Variants in GRID1 observed in about 807,000 individuals in gnomAD.
The protein encoded by GRID1 is glutamate ionotropic receptor delta type subunit 1.
Under a neutral mutation model 98.0 loss-of-function variants are expected in GRID1, and 28 were observed. The observed-to-expected ratio is 0.29, with a 90% CI of 0.21 to 0.39. The LOEUF is 0.39. Ranked by LOEUF, GRID1 falls within the 10% of genes least tolerant of loss-of-function variation. GRID1 has a pLI of 1.00. For missense variants in GRID1, 1,111 were observed against 1,340.5 expected (o/e 0.83, Z 2.67); for synonymous variants, 553 against 538.5 (o/e 1.03, Z -0.37).
chr10:86,214,362 T>A (rs547282082), intron 2 of GRID1, among the ~76,000 whole-genome samples: 1 of 152,186 alleles, frequency 6.6e-6, no homozygotes, highest in South Asian at 2.1e-4. Flanking sequence ...CTAATTCTCC[T>A]TCTCCTGTGT....
intron 14 of GRID1, among the ~76,000 whole-genome samples, chr10:85,618,430 A>G (rs1370519919): frequency 6.6e-6 from 1 of 152,222 alleles, no homozygotes; most frequent in African/African-American, 2.4e-5. Context: ...CCAACGTGTT[A>G]TAAATCCTGG....
intron 3 of GRID1, among the ~76,000 whole-genome samples, chr10:86,193,170 G>A (rs1845829197): frequency 6.6e-6 from 1 of 152,056 alleles, no homozygotes; most frequent in South Asian, 2.1e-4. Flanking sequence ...GCTCAGGGTG[G>A]TTGGGGTGCA....
chr10:85,932,107 C>T (rs1049399313), intron 4 of GRID1, among the ~76,000 whole-genome samples: 1 of 152,230 alleles, frequency 6.6e-6, no homozygotes, highest in African/African-American at 2.4e-5. Context: ...CTGAGGCTCT[C>T]AGAGGCCTGC....
At chr10:85,649,017 A>C (rs1186800759) in intron 12 of GRID1, among the ~76,000 whole-genome samples, 1 of 152,268 alleles carries the variant, frequency 6.6e-6, no homozygotes, top group African/African-American at 2.4e-5. Flanking sequence ...AGATAGAAGC[A>C]GAGCCTGTAG....
intron 12 of GRID1, among the ~76,000 whole-genome samples, chr10:85,677,758 A>T (rs1189339916): frequency 6.6e-6 from 1 of 152,238 alleles, no homozygotes; most frequent in African/African-American, 2.4e-5. Flanking sequence ...TGAGCTGAGC[A>T]GTGAGTGAAA....
intron 8 of GRID1, among the ~76,000 whole-genome samples, chr10:85,764,433 A>T (rs1422796064): frequency 6.6e-6 from 1 of 152,226 alleles, no homozygotes; most frequent in Non-Finnish European, 1.5e-5. Context: ...CAAAGTGGGC[A>T]GAGAGAGTAA....
At chr10:85,839,759 A>G (rs1226941200) in intron 8 of GRID1, among the ~76,000 whole-genome samples, 4 of 152,208 alleles carry the variant, frequency 2.6e-5, no homozygotes, top group African/African-American at 4.8e-5. Context: ...GAAGGAAAGA[A>G]ATAACCAAAA....
chr10:86,005,987 C>G (rs980506381), intron 4 of GRID1, among the ~76,000 whole-genome samples: 6 of 152,098 alleles, frequency 3.9e-5, no homozygotes, highest in Admixed American at 2.0e-4. Context: ...TTCATGAACC[C>G]TAATAAGCTA....
intron 2 of GRID1, among the ~76,000 whole-genome samples, chr10:86,231,749 C>A (rs748189058): frequency 6.6e-6 from 1 of 152,210 alleles, no homozygotes; most frequent in East Asian, 1.9e-4. Flanking sequence ...CAGCTGACCT[C>A]AATCAGCACC....
chr10:86,191,593 C>G (rs2132008764), intron 3 of GRID1, among the ~76,000 whole-genome samples: 1 of 152,102 alleles, frequency 6.6e-6, no homozygotes, highest in South Asian at 2.1e-4. Context: ...GAGGAGGAAG[C>G]CAGGTATTTC....
At chr10:85,686,340 G>A (rs1170334542) in intron 12 of GRID1, among the ~76,000 whole-genome samples, 6 of 152,122 alleles carry the variant, frequency 3.9e-5, no homozygotes, top group African/African-American at 1.4e-4. Context: ...CTATTTCAAG[G>A]TATGCATTAC....
chr10:86,243,032 G>C (rs187839995), intron 2 of GRID1, among the ~76,000 whole-genome samples: 1 of 152,198 alleles, frequency 6.6e-6, no homozygotes, highest in African/African-American at 2.4e-5. Context: ...TAAAACAAGA[G>C]TTATAATAAT....
At chr10:86,329,416 C>T (rs1356539807) in intron 2 of GRID1, among the ~76,000 whole-genome samples, 2 of 152,192 alleles carry the variant, frequency 1.3e-5, no homozygotes, top group Admixed American at 6.5e-5. Flanking sequence ...GTGAATACCC[C>T]AATATGCCTC....
intron 4 of GRID1, among the ~76,000 whole-genome samples, chr10:86,009,498 T>C (rs1842901697): frequency 6.6e-6 from 1 of 152,194 alleles, no homozygotes; most frequent in Admixed American, 6.5e-5. Context: ...ATCCATCTGC[T>C]GGAACCAATT....
At chr10:86,117,660 C>T (rs1416211356) in intron 4 of GRID1, among the ~76,000 whole-genome samples, 1 of 152,212 alleles carries the variant, frequency 6.6e-6, no homozygotes, top group Admixed American at 6.5e-5. Context: ...CAGATCACAA[C>T]TAATTTGACC....
chr10:86,186,627 C>T lies in GRID1; in HGVS notation c.520+19737G>A, dbSNP rs564765646. Among the ~76,000 whole-genome samples the T allele has an allele frequency of 5.9e-5, 9 of 152,276 alleles. No individual in the cohort carries two copies. The South Asian group carries it at 1.7e-3, about 28-fold the overall frequency. On this transcript the variant is annotated intron_variant, in intron 3 of 15. Coordinates refer to ENST00000327946, the MANE Select transcript of GRID1 (RefSeq NM_017551.3). ...AATAGCCTGCCTGAACCTCAGTTTT[C>T]CCATCTGGAAAATGGGGCCAAAAGT...
intron 2 of GRID1, among the ~76,000 whole-genome samples, chr10:86,308,973 A>G (rs1246458627): frequency 6.6e-6 from 1 of 152,240 alleles, no homozygotes; most frequent in Non-Finnish European, 1.5e-5. Context: ...TTAAATTTCA[A>G]CATGCGTTTT....
chr10:86,154,930 G>C (rs1050180324), intron 3 of GRID1, among the ~76,000 whole-genome samples: 5 of 152,160 alleles, frequency 3.3e-5, no homozygotes, highest in Admixed American at 6.5e-5. Flanking sequence ...AGCAACCCCA[G>C]GAGGGCAGGT....
chr10:86,178,409 C>T (rs1404598452), intron 3 of GRID1, among the ~76,000 whole-genome samples: 6 of 152,158 alleles, frequency 3.9e-5, no homozygotes, highest in African/African-American at 7.2e-5. Context: ...CAGCAAGTCA[C>T]TCAGTTAACA....
Sources: allele counts gnomAD v4.1 joint callset (sites outside exome capture counted in the v4.1 genomes callset), GRCh38; gene constraint gnomAD v4.1.1; transcripts MANE v1.5; gene names NCBI Gene and HGNC (gene_info 2026-07-23, HGNC 2026-07-21).